The following MINDY4 variants were observed in gnomAD, a reference collection of about 807,000 sequenced individuals.
The protein encoded by MINDY4 is MINDY lysine 48 deubiquitinase 4, also known as probable ubiquitin carboxyl-terminal hydrolase MINDY-4.
In MINDY4, 68 loss-of-function variants were observed where a neutral mutation model predicts 87.0. The observed-to-expected ratio is 0.78, with a 90% CI of 0.64 to 0.96. MINDY4 has a LOEUF of 0.96. MINDY4 is among the 40% of genes least tolerant of loss of function. The pLI is 0.00. For synonymous variants in MINDY4, 379 were observed against 363.2 expected, an observed-to-expected ratio of 1.04 and a Z score of -0.50; for missense variants, 919 against 928.2, an observed-to-expected ratio of 0.99 and a Z score of 0.13.
chr7:30,775,645 C>A (rs994276536), intron 1 of MINDY4, among the ~76,000 whole-genome samples: 6 of 152,214 alleles, frequency 3.9e-5, no homozygotes, highest in Admixed American at 2.0e-4. Context: ...TTCCAGCCCT[C>A]TAATCAAGGT....
chr7:30,886,142 C>T (rs1716524786), intron 17 of MINDY4, among the ~76,000 whole-genome samples: 1 of 152,182 alleles, frequency 6.6e-6, no homozygotes, highest in Non-Finnish European at 1.5e-5. Context: ...GCCCAAGCTC[C>T]TGATAAGATG....
chr7:30,889,752 G>T lies in MINDY4; in HGVS notation c.2226-2205G>T, dbSNP rs1790742011. Among the ~76,000 whole-genome samples the T allele has an allele frequency of 2.0e-5, 3 of 152,174 alleles. 1 individual carries two copies. The South Asian group carries it at 6.2e-4, about 32-fold the overall frequency. The stretch of plus-strand genomic sequence containing the variant: ...TCCAATGGAGTAAGTGATGATGCTG[G>T]CATTTTCACTTCAAAACGATTGATG... On this transcript the variant is annotated intron_variant, in intron 17 of 17. Coordinates refer to ENST00000265299, the MANE Select transcript of MINDY4 (RefSeq NM_032222.3).
At chr7:30,886,835 C>T (rs1790644864) in intron 17 of MINDY4, among the ~76,000 whole-genome samples, 1 of 152,184 alleles carries the variant, frequency 6.6e-6, no homozygotes, top group Non-Finnish European at 1.5e-5. Flanking sequence ...TGGGATCTGT[C>T]CCCTGCCCCC....
intron 15 of MINDY4, among the ~76,000 whole-genome samples, chr7:30,879,816 G>A (rs1263546967): frequency 3.9e-5 from 6 of 152,098 alleles, no homozygotes; most frequent in African/African-American, 1.2e-4. Flanking sequence ...TTTAAGCATC[G>A]CATTTCATCG....
chr7:30,884,490 C>T (rs1329485310), intron 17 of MINDY4, among the ~76,000 whole-genome samples: 2 of 152,210 alleles, frequency 1.3e-5, no homozygotes, highest in Non-Finnish European at 2.9e-5. Context: ...GTGACACTAG[C>T]CTTGGCATCT....
At chr7:30,791,675 T>C (rs1787328311) in intron 5 of MINDY4, 101 bp downstream of exon 5, 8 of 1,284,522 alleles carry the variant, frequency 6.2e-6, no homozygotes. Flanking sequence ...CTTAGTCTCC[T>C]TGGTCTCTCA....
intron 13 of MINDY4, among the ~76,000 whole-genome samples, chr7:30,871,853 A>C (rs1484174307): frequency 6.6e-6 from 1 of 152,188 alleles, no homozygotes; most frequent in Non-Finnish European, 1.5e-5. Flanking sequence ...ACTGAGGCTC[A>C]GAGGTGGAAG....
rs151209590 is a variant in MINDY4 at position 30,863,423 on chromosome 7, TTGG to T, written c.1745+4104_1745+4106del. On this transcript the variant is annotated intron_variant, in intron 13 of 17. Transcript: ENST00000265299. ...GGCCGGGTGTGAGATGACATGGGTG[TTGG>T]TGGTTGTGTTGGAGATTGTGTGAAG... is the stretch of plus-strand genomic sequence containing the variant. Among the ~76,000 whole-genome samples, 9 of 152,152 alleles carry T rather than the reference TTGG, an allele frequency of 5.9e-5. No homozygotes were observed. In the East Asian group the frequency reaches 1.7e-3, roughly 29 times the overall value.
chr7:30,827,956 T>C (rs1423954897), intron 5 of MINDY4, among the ~76,000 whole-genome samples: 1 of 152,226 alleles, frequency 6.6e-6, no homozygotes, highest in Non-Finnish European at 1.5e-5. Context: ...AATATTGTTA[T>C]TTTTAATACA....
At chr7:30,789,872 G>C (rs1787269122) in intron 4 of MINDY4, among the ~76,000 whole-genome samples, 1 of 152,164 alleles carries the variant, frequency 6.6e-6, no homozygotes, top group South Asian at 2.1e-4. Flanking sequence ...TTGACGGTAA[G>C]GGAGGATATT....
intron 13 of MINDY4, among the ~76,000 whole-genome samples, chr7:30,867,355 G>GT (rs1366515743): frequency 2.0e-5 from 3 of 152,182 alleles, no homozygotes; most frequent in Admixed American, 2.0e-4. Context: ...CTTGGTTATT[G>GT]TTTTTTGTTT....
At chr7:30,852,379 C>T in intron 11 of MINDY4, 100 bp downstream of exon 11, 1 of 1,576,832 alleles carries the variant, frequency 6.3e-7, no homozygotes, top group Non-Finnish European at 8.6e-7. Flanking sequence ...ACAGGCTGGC[C>T]TTCCGCAGCC....
chr7:30,860,487 C>T (rs1789719160), intron 13 of MINDY4, among the ~76,000 whole-genome samples: 2 of 152,206 alleles, frequency 1.3e-5, no homozygotes, highest in South Asian at 2.1e-4. Context: ...ACCACCTTCT[C>T]CCCAGGACTG....
At chr7:30,887,620 G>T (rs1790669452) in intron 17 of MINDY4, among the ~76,000 whole-genome samples, 1 of 152,200 alleles carries the variant, frequency 6.6e-6, no homozygotes, top group African/African-American at 2.4e-5. Context: ...GCCTGGGAGG[G>T]CGGGGCCACT....
At chr7:30,840,273 G>A (rs1259613259) in intron 8 of MINDY4, among the ~76,000 whole-genome samples, 3 of 152,220 alleles carry the variant, frequency 2.0e-5, no homozygotes, top group African/African-American at 7.2e-5. Context: ...TGGTGCTGAA[G>A]CAGGCCACAA....
At chr7:30,877,822 CTTTTTTTTTTTTTTTTTTTTTT>C (rs60164229) in intron 15 of MINDY4, among the ~76,000 whole-genome samples, 4 of 47,516 alleles carry the variant, frequency 8.4e-5, no homozygotes, top group East Asian at 6.2e-4. Context: ...CAGGGACATG[CTTTTTTTTTTTTTTTTTTTTTT>C]TTTTTTTTTT....
intron 5 of MINDY4, among the ~76,000 whole-genome samples, chr7:30,817,366 CTTTTTTTTTTTT>C (rs572880227): frequency 7.0e-5 from 8 of 114,168 alleles, no homozygotes; most frequent in African/African-American, 2.5e-4. Flanking sequence ...TTGGGTTTGT[CTTTTTTTTTTTT>C]TTTTTTTTAG....
chr7:30,788,692 C>T (rs182597101), intron 4 of MINDY4, among the ~76,000 whole-genome samples: 7 of 152,284 alleles, frequency 4.6e-5, no homozygotes, highest in East Asian at 1.9e-4. Context: ...CAAATACCCA[C>T]GCTTGAGTAA....
At chr7:30,778,275 G>GA (rs1373848382) in intron 1 of MINDY4, among the ~76,000 whole-genome samples, 157 bp from the exon 2 acceptor site, 4 of 152,200 alleles carry the variant, frequency 2.6e-5, no homozygotes, top group Non-Finnish European at 4.4e-5. Flanking sequence ...GCTGTTGTAA[G>GA]AATCAGAATA....
Sources: allele counts gnomAD v4.1 joint callset (sites outside exome capture counted in the v4.1 genomes callset), GRCh38; gene constraint gnomAD v4.1.1; transcripts MANE v1.5; gene names NCBI Gene and HGNC (gene_info 2026-07-23, HGNC 2026-07-21).